The following CDH13 variants were observed in gnomAD, a reference collection of about 807,000 sequenced individuals.
CDH13 encodes the protein cadherin 13.
Under a neutral mutation model 63.8 loss-of-function variants are expected in CDH13, and 24 were observed. The ratio of observed to expected loss-of-function variants is 0.38; its 90% CI spans 0.27 to 0.53. The LOEUF is 0.53. CDH13 is among the 20% of genes least tolerant of loss of function. CDH13 has a pLI of 0.85. For synonymous variants in CDH13, 503 were observed against 355.3 expected (o/e 1.42, Z -4.67); for missense variants, 1,049 against 903.1 (o/e 1.16, Z -2.07).
At chr16:83,258,732 G>T (rs1247985043) in intron 5 of CDH13, among the ~76,000 whole-genome samples, 2 of 152,218 alleles carry the variant, frequency 1.3e-5, no homozygotes, top group Non-Finnish European at 2.9e-5. Context: ...GTGTTTGTAT[G>T]TGCGCGTTGT....
chr16:83,670,481 G>A (rs993056033), intron 8 of CDH13, among the ~76,000 whole-genome samples: 1 of 152,126 alleles, frequency 6.6e-6, no homozygotes, highest in Non-Finnish European at 1.5e-5. Context: ...CATTCAGGTA[G>A]GCAGAGGGTG....
chr16:82,816,632 T>A (rs1253965758), intron 1 of CDH13, among the ~76,000 whole-genome samples: 1 of 151,978 alleles, frequency 6.6e-6, no homozygotes, highest in East Asian at 1.9e-4. Flanking sequence ...GTGCCTGGTG[T>A]GTCTGAGGAA....
At chr16:83,493,903 CT>C (rs1186970998) in intron 7 of CDH13, among the ~76,000 whole-genome samples, 1 of 152,182 alleles carries the variant, frequency 6.6e-6, no homozygotes. Flanking sequence ...CTCGACATTT[CT>C]AGCCTGATGG....
At chr16:83,259,542 A>T (rs1906707699) in intron 5 of CDH13, among the ~76,000 whole-genome samples, 1 of 152,230 alleles carries the variant, frequency 6.6e-6, no homozygotes, top group Admixed American at 6.5e-5. Context: ...CATCCAAAAA[A>T]GGAAATGTGC....
intron 2 of CDH13, among the ~76,000 whole-genome samples, chr16:82,865,075 A>T (rs2040079150): frequency 1.3e-5 from 2 of 152,234 alleles, no homozygotes; most frequent in African/African-American, 4.8e-5. Flanking sequence ...GGTCACCCTG[A>T]TGCAAGAGGT....
intron 6 of CDH13, among the ~76,000 whole-genome samples, chr16:83,411,299 A>G (rs1015872501): frequency 4.6e-5 from 7 of 152,134 alleles, no homozygotes; most frequent in African/African-American, 1.7e-4. Flanking sequence ...TGAAATTAGC[A>G]TCCCCCTTTA....
intron 1 of CDH13, among the ~76,000 whole-genome samples, chr16:82,729,010 A>G (rs1479098311): frequency 1.3e-5 from 2 of 152,148 alleles, no homozygotes; most frequent in African/African-American, 4.8e-5. Context: ...CATCTGTTCA[A>G]GTTTTATCAT....
At chr16:83,058,394 T>A (rs2031172329) in intron 3 of CDH13, among the ~76,000 whole-genome samples, 2 of 152,224 alleles carry the variant, frequency 1.3e-5, no homozygotes, top group African/African-American at 4.8e-5. Context: ...TGTTCTTCTC[T>A]GGCGGTTTGG....
chr16:82,732,180 G>A (rs1270581379), intron 1 of CDH13, among the ~76,000 whole-genome samples: 2 of 152,082 alleles, frequency 1.3e-5, no homozygotes, highest in Non-Finnish European at 2.9e-5. Context: ...GCTTCCCCAG[G>A]TAGATAGGTC....
chr16:83,476,151 C>G (rs1285611689), intron 6 of CDH13, among the ~76,000 whole-genome samples: 1 of 152,174 alleles, frequency 6.6e-6, no homozygotes, highest in Non-Finnish European at 1.5e-5. Context: ...GTTTACTAGA[C>G]TCTTAATACA....
chr16:83,351,921 A>G (rs2090959080), intron 6 of CDH13, among the ~76,000 whole-genome samples: 1 of 152,230 alleles, frequency 6.6e-6, no homozygotes, highest in South Asian at 2.1e-4. Context: ...GATGACACTC[A>G]GTATCTACAA....
intron 8 of CDH13, among the ~76,000 whole-genome samples, chr16:83,617,029 C>T (rs976072200): frequency 2.0e-5 from 3 of 152,176 alleles, no homozygotes; most frequent in Non-Finnish European, 4.4e-5. Context: ...CACTTTGTTA[C>T]TTCCTCTTCC....
At position 83,667,344 on chromosome 16, in the gene CDH13, G is replaced by A. The variant is rs534523237; in HGVS notation, c.1102-3446G>A. ...TCAGTGTCATGGAAGAAGCTGCACA[G>A]GTTTGTCTCACTTATACATGGCCTA... On this transcript the variant is annotated intron_variant, in intron 8 of 13. Coordinates refer to ENST00000567109, the MANE Select transcript of CDH13 (RefSeq NM_001257.5). Among the ~76,000 whole-genome samples the A allele has an allele frequency of 4.7e-4, 72 of 152,252 alleles. 1 individual carries two copies. The highest frequency in any genetic ancestry group is 1.7e-3 in the African/African-American group (71 of 41,548).
At chr16:83,653,926 G>A (rs1037928212) in intron 8 of CDH13, among the ~76,000 whole-genome samples, 2 of 152,178 alleles carry the variant, frequency 1.3e-5, no homozygotes, top group Non-Finnish European at 2.9e-5. Flanking sequence ...GGGGATTGAA[G>A]GCTTGGATAG....
At chr16:83,359,522 A>T (rs1181591381) in intron 6 of CDH13, among the ~76,000 whole-genome samples, 1 of 152,172 alleles carries the variant, frequency 6.6e-6, no homozygotes, top group African/African-American at 2.4e-5. Context: ...GCTGAATTCT[A>T]GTCCTGGCTC....
intron 1 of CDH13, among the ~76,000 whole-genome samples, chr16:82,763,218 C>G (rs970495691): frequency 1.3e-5 from 2 of 152,162 alleles, no homozygotes; most frequent in African/African-American, 4.8e-5. Context: ...TAAACATCCT[C>G]TTTTTGCACA....
intron 1 of CDH13, among the ~76,000 whole-genome samples, chr16:82,731,520 G>A (rs2033401523): frequency 6.6e-6 from 1 of 152,130 alleles, no homozygotes; most frequent in Non-Finnish European, 1.5e-5. Flanking sequence ...AGTATTTTGG[G>A]ATTCAGCAAA....
intron 1 of CDH13, among the ~76,000 whole-genome samples, chr16:82,682,760 C>G (rs1314956500): frequency 6.6e-6 from 1 of 152,174 alleles, no homozygotes; most frequent in Non-Finnish European, 1.5e-5. Flanking sequence ...GTGCTTGCTT[C>G]TGAGAAAAAT....
intron 5 of CDH13, among the ~76,000 whole-genome samples, chr16:83,328,518 G>C (rs1414081749): frequency 6.6e-6 from 1 of 152,186 alleles, no homozygotes; most frequent in Non-Finnish European, 1.5e-5. Flanking sequence ...CGTATTCAAA[G>C]ATCGTGTGGA....
Sources: allele counts gnomAD v4.1 joint callset (sites outside exome capture counted in the v4.1 genomes callset), GRCh38; gene constraint gnomAD v4.1.1; transcripts MANE v1.5; gene names NCBI Gene and HGNC (gene_info 2026-07-23, HGNC 2026-07-21).